SNX18: variants seen among roughly 807,000 people sequenced by gnomAD.
SNX18 encodes sorting nexin 18, also known as sorting nexin-18.
Under a neutral mutation model 48.7 loss-of-function variants are expected in SNX18, and 35 were observed. The observed-to-expected ratio is 0.72, with a 90% CI of 0.55 to 0.95. SNX18 has a LOEUF of 0.95. Ranked by LOEUF, SNX18 falls within the 40% of genes least tolerant of loss-of-function variation. SNX18 has a pLI of 0.00. For missense variants in SNX18, 824 were observed against 871.0 expected, an observed-to-expected ratio of 0.95 and a Z score of 0.68; for synonymous variants, 492 against 384.7, an observed-to-expected ratio of 1.28 and a Z score of -3.26.
chr5:54,568,720 G>T, the SNX18 span, among the ~76,000 whole-genome samples: 2 of 151,940 alleles, frequency 1.3e-5, no homozygotes, highest in Non-Finnish European at 2.9e-5. Flanking sequence ...TTTAATTGAA[G>T]AATCATTTGT....
At chr5:54,615,080 G>A in the SNX18 span, among the ~76,000 whole-genome samples, 2 of 152,170 alleles carry the variant, frequency 1.3e-5, no homozygotes, top group Non-Finnish European at 2.9e-5. Context: ...TAGATGGAGG[G>A]GATGTTCAGG....
the SNX18 span, among the ~76,000 whole-genome samples, chr5:54,640,888 C>A: frequency 6.6e-6 from 1 of 152,094 alleles, no homozygotes; most frequent in Non-Finnish European, 1.5e-5. Context: ...GGTTAAACCC[C>A]ATCTCTACTA....
the SNX18 span, among the ~76,000 whole-genome samples, chr5:54,562,145 C>T: frequency 6.6e-6 from 1 of 152,180 alleles, no homozygotes; most frequent in South Asian, 2.1e-4. Flanking sequence ...TTTCAAACCT[C>T]AGACAGCTCT....
chr5:54,615,154 C>A, the SNX18 span, among the ~76,000 whole-genome samples: 417 of 152,284 alleles, frequency 2.7e-3, 1 homozygote, highest in African/African-American at 9.5e-3. Context: ...CCATTTTGGT[C>A]TAACAATACG....
the SNX18 span, among the ~76,000 whole-genome samples, chr5:54,589,833 A>C: frequency 6.6e-6 from 1 of 152,316 alleles, no homozygotes; most frequent in East Asian, 1.9e-4. Flanking sequence ...TTTTCTCTCC[A>C]CGTCTTTGTT....
chr5:54,641,388 CT>C, the SNX18 span, among the ~76,000 whole-genome samples: 2 of 151,922 alleles, frequency 1.3e-5, no homozygotes, highest in Non-Finnish European at 2.9e-5. Flanking sequence ...TAAAAGAGGT[CT>C]TTTTTTTAAA....
chr5:54,532,877 CTAAAA>C (rs2112849275), intron 1 of SNX18, among the ~76,000 whole-genome samples: 1 of 152,280 alleles, frequency 6.6e-6, no homozygotes, highest in South Asian at 2.1e-4. Flanking sequence ...TGCATAGTAA[CTAAAA>C]TAATCATCTT....
At chr5:54,524,311 C>A (rs1242937415) in intron 1 of SNX18, among the ~76,000 whole-genome samples, 1 of 152,174 alleles carries the variant, frequency 6.6e-6, no homozygotes, top group Non-Finnish European at 1.5e-5. Flanking sequence ...GTTTCTCAGA[C>A]TTCTTTTTTG....
At chr5:54,581,284 C>A in the SNX18 span, among the ~76,000 whole-genome samples, 1 of 151,970 alleles carries the variant, frequency 6.6e-6, no homozygotes, top group African/African-American at 2.4e-5. Flanking sequence ...CATGTGGTTC[C>A]ACTGTGTGGG....
At chr5:54,645,767 T>C in the SNX18 span, 9 of 152,306 alleles carry the variant, frequency 5.9e-5, no homozygotes, top group East Asian at 1.7e-3. Flanking sequence ...GGCAAACCCA[T>C]ATGAGTGTTT....
the SNX18 span, among the ~76,000 whole-genome samples, chr5:54,630,499 A>T: frequency 6.7e-6 from 1 of 149,978 alleles, no homozygotes; most frequent in Non-Finnish European, 1.5e-5. Flanking sequence ...GATTCTACTG[A>T]GAGTGAAGTA....
intron 1 of SNX18, among the ~76,000 whole-genome samples, chr5:54,526,655 C>T (rs143102660): frequency 9.7e-4 from 148 of 152,290 alleles, no homozygotes; most frequent in African/African-American, 3.5e-3. Context: ...TACCCATCAT[C>T]GTCCAGGCAC....
At chr5:54,638,175 T>C in the SNX18 span, among the ~76,000 whole-genome samples, 2 of 152,222 alleles carry the variant, frequency 1.3e-5, no homozygotes, top group East Asian at 1.9e-4. Context: ...AGATAGTATG[T>C]TGACTTTAAT....
At chr5:54,540,270 C>T (rs1251984592) in intron 1 of SNX18, among the ~76,000 whole-genome samples, 1 of 151,100 alleles carries the variant, frequency 6.6e-6, no homozygotes, top group Non-Finnish European at 1.5e-5. Context: ...GCTGGAGGTG[C>T]AGTGCTGTGA....
chr5:54,634,090 A>C, the SNX18 span, among the ~76,000 whole-genome samples: 13 of 152,298 alleles, frequency 8.5e-5, no homozygotes, highest in South Asian at 2.5e-3. Context: ...TAATATCTTA[A>C]GGAGTTTGTT....
rs562421365 is a variant in SNX18, at chr5:54,545,851, A to G, written c.*2419A>G. 10 of 152,314 alleles carry G rather than the reference A, an allele frequency of 6.6e-5. No individual in the cohort carries two copies. The South Asian group carries it at 2.1e-3, about 32-fold the overall frequency. The allele number at this position is 152,314 out of a possible 1,614,324, so 9.4% of individuals were successfully genotyped here. A position where few individuals can be genotyped will look rare whatever the true frequency, so the allele number is the denominator to read the frequency against. On this transcript the variant is annotated 3_prime_UTR_variant, in exon 2 of 2. Transcript: ENST00000381410. ...AGTGTGGTACAATTTTTAAAAATAA[A>G]CTATCATGCCCTTCATGCCATTATT...
the SNX18 span, among the ~76,000 whole-genome samples, chr5:54,618,605 A>G: frequency 2.0e-5 from 3 of 152,352 alleles, no homozygotes; most frequent in South Asian, 2.1e-4. Context: ...ATGTTAGAGT[A>G]GATGTTAAAT....
intron 1 of SNX18, among the ~76,000 whole-genome samples, chr5:54,528,160 A>T (rs1380420929): frequency 3.3e-5 from 5 of 152,078 alleles, no homozygotes; most frequent in Admixed American, 2.6e-4. Context: ...ACACACACAC[A>T]CACACATTTT....
At chr5:54,588,803 G>T in the SNX18 span, among the ~76,000 whole-genome samples, 2 of 152,288 alleles carry the variant, frequency 1.3e-5, no homozygotes, top group South Asian at 4.1e-4. Flanking sequence ...TATCATCAAA[G>T]AGAATGTAAC....
Sources: gnomAD v4.1 joint callset for allele counts (sites outside exome capture counted in the v4.1 genomes callset) on GRCh38, gnomAD v4.1.1 for gene constraint, MANE v1.5 for transcripts, NCBI Gene and HGNC (gene_info 2026-07-23, HGNC 2026-07-21) for gene names.